The following XKR6 variants were observed in gnomAD, a reference collection of about 807,000 sequenced individuals.
The protein encoded by XKR6 is XK-related protein 6.
A neutral mutation model predicts 56.7 loss-of-function variants in XKR6; 22 were observed. That is an observed-to-expected ratio of 0.39 (90% CI 0.28 to 0.55). The LOEUF is 0.55. XKR6 is among the 20% of genes least tolerant of loss of function. The pLI, the probability that XKR6 is intolerant of heterozygous loss-of-function variation, is 0.66. For synonymous variants in XKR6, 524 were observed against 387.8 expected (o/e 1.35, Z -4.13); for missense variants, 852 against 889.0 (o/e 0.96, Z 0.53).
chr8:11,086,150 T>TATATATATATATA (rs1439777662), intron 1 of XKR6, among the ~76,000 whole-genome samples: 95 of 112,738 alleles, frequency 8.4e-4, no homozygotes, highest in African/African-American at 3.6e-3. Context: ...ATATATATAT[T>TATATATATATATA]TTTTTTTAAA....
intron 1 of XKR6, among the ~76,000 whole-genome samples, chr8:11,033,310 A>G (rs868665473): frequency 1.1e-3 from 154 of 142,472 alleles, no homozygotes; most frequent in African/African-American, 4.4e-3. Flanking sequence ...GGTGGTGATG[A>G]TGATGATGAC....
chr8:11,016,504 A>AGCGCCTTCGCCC (rs1798626868), intron 1 of XKR6, among the ~76,000 whole-genome samples: 1 of 152,164 alleles, frequency 6.6e-6, no homozygotes, highest in Non-Finnish European at 1.5e-5. Context: ...CAAAGCGGGT[A>AGCGCCTTCGCCC]GCGCCTTCGC....
In XKR6 at chr8:11,194,937, C is replaced by T. The variant is rs547360925; in HGVS notation, c.764+5639G>A. 5.5e-6 allele frequency: 3 copies of T among 544,530 alleles called. No homozygotes were observed. The African/African-American group carries it at 5.8e-5, about 11-fold the overall frequency. 33.7% of individuals were successfully genotyped at this position (544,530 alleles called of 1,614,324 possible). A position where few individuals can be genotyped will look rare whatever the true frequency, so the allele number is the denominator to read the frequency against. Reference sequence around the variant, plus strand: ...AGTTGCAATTTCGCTCCAAAGCATGCCATTTTTTCATCCCCTTCCCTTGAA... The same window carrying T: ...AGTTGCAATTTCGCTCCAAAGCATGTCATTTTTTCATCCCCTTCCCTTGAA... On this transcript the variant is annotated intron_variant, in intron 1 of 2. Coordinates refer to ENST00000416569, the MANE Select transcript of XKR6 (RefSeq NM_173683.4).
chr8:11,065,288 C>A (rs557810305), intron 1 of XKR6, among the ~76,000 whole-genome samples: 10 of 152,326 alleles, frequency 6.6e-5, no homozygotes, highest in African/African-American at 2.4e-4. Context: ...TAACTATGAA[C>A]CATGAGAGGA....
intron 1 of XKR6, among the ~76,000 whole-genome samples, chr8:11,189,205 T>C (rs964298654): frequency 3.3e-5 from 5 of 152,208 alleles, no homozygotes; most frequent in African/African-American, 4.8e-5. Flanking sequence ...TTTCTGAATT[T>C]GAGACACAAA....
intron 1 of XKR6, chr8:11,002,530 G>A (rs915903814): frequency 1.3e-5 from 4 of 304,280 alleles, no homozygotes; most frequent in African/African-American, 2.2e-5. Context: ...AATGGGGAAG[G>A]TGTGGTGCAT....
At chr8:11,088,549 G>C (rs141028764) in intron 1 of XKR6, among the ~76,000 whole-genome samples, 5 of 152,190 alleles carry the variant, frequency 3.3e-5, no homozygotes, top group African/African-American at 1.2e-4. Flanking sequence ...GGGCTGAATG[G>C]CCAGAGTAGG....
chr8:11,039,395 C>A lies in XKR6; in HGVS notation c.765-114565G>T, dbSNP rs186419373. Among the ~76,000 whole-genome samples the A allele has an allele frequency of 1.8e-4, 28 of 152,360 alleles. 1 individual carries two copies. The highest frequency in any genetic ancestry group is 8.8e-5 in the Non-Finnish European group (6 of 68,034). ...GGCTCTGCAGCCTCAGATGGGCCTG[C>A]AACAGCCATGGTTAGGCCAAGGCCA... On this transcript the variant is annotated intron_variant, in intron 1 of 2. Transcript: ENST00000416569.
At chr8:11,165,036 C>G (rs1230231150) in intron 1 of XKR6, among the ~76,000 whole-genome samples, 2 of 151,748 alleles carry the variant, frequency 1.3e-5, no homozygotes, top group African/African-American at 2.4e-5. Flanking sequence ...CCAAGAAAAT[C>G]CCCTGAAGCA....
chr8:11,020,475 C>G (rs1315538065), intron 1 of XKR6, among the ~76,000 whole-genome samples: 1 of 152,186 alleles, frequency 6.6e-6, no homozygotes, highest in Admixed American at 6.5e-5. Context: ...GCTGCTTCTC[C>G]CCGTCCTTCT....
At chr8:11,155,540 T>G (rs1426341332) in intron 1 of XKR6, among the ~76,000 whole-genome samples, 2 of 152,246 alleles carry the variant, frequency 1.3e-5, no homozygotes, top group Non-Finnish European at 2.9e-5. Context: ...AAGAACTATA[T>G]GCACACAAAT....
intron 1 of XKR6, among the ~76,000 whole-genome samples, chr8:11,177,951 T>A (rs769887110): frequency 6.6e-6 from 1 of 152,154 alleles, no homozygotes; most frequent in Non-Finnish European, 1.5e-5. Flanking sequence ...CTTTCTGACA[T>A]GGAAAGCCTG....
intron 1 of XKR6, among the ~76,000 whole-genome samples, chr8:11,166,743 T>G (rs138664194): frequency 0.056 from 8,459 of 152,092 alleles, 310 homozygotes; most frequent in South Asian, 0.097. Context: ...AAGCTAATTT[T>G]TGTGTTTTTA....
At chr8:11,123,638 T>C (rs1799588989) in intron 1 of XKR6, 1 of 332,438 alleles carries the variant, frequency 3.0e-6, no homozygotes, top group Non-Finnish European at 6.0e-6. Context: ...TACTTGGCTA[T>C]ATAAAGTTTA....
rs73196866 is a variant in XKR6 at position 10,960,013 on chromosome 8, G to A, written c.765-35183C>T. On this transcript the variant is annotated intron_variant, in intron 1 of 2. Coordinates refer to ENST00000416569, the MANE Select transcript of XKR6 (RefSeq NM_173683.4). Reference sequence around the variant, plus strand: ...ATTACAAAAGCCTGAAGGTCAGGGGGGGGCCTCCTTAAAATTTGCACCTGG... The same window carrying A: ...ATTACAAAAGCCTGAAGGTCAGGGGAGGGCCTCCTTAAAATTTGCACCTGG... Among the ~76,000 whole-genome samples, 1,503 of 152,280 alleles carry A rather than the reference G, an allele frequency of 9.9e-3. 11 individuals are homozygous for A. The highest frequency in any genetic ancestry group is 0.022 in the South Asian group (107 of 4,812).
At chr8:11,102,290 C>T (rs750651396) in intron 1 of XKR6, among the ~76,000 whole-genome samples, 2 of 152,106 alleles carry the variant, frequency 1.3e-5, no homozygotes, top group African/African-American at 2.4e-5. Context: ...TCATTTATGC[C>T]GTTAGTTTAC....
chr8:10,932,686 T>C (rs1447620058), intron 1 of XKR6, among the ~76,000 whole-genome samples: 1 of 132,706 alleles, frequency 7.5e-6, no homozygotes, highest in Non-Finnish European at 1.6e-5. Flanking sequence ...TTTGGTTTTT[T>C]GTTCTGGCGA....
At position 11,056,990 on chromosome 8, in the gene XKR6, G is replaced by A. The variant is rs116786927; in HGVS notation, c.765-132160C>T. ...CCCACGTTGGTGCCCACCAGCCCAC[G>A]TCTGACGCCTTGTCCTTGGCTGCCT... On this transcript the variant is annotated intron_variant, in intron 1 of 2. Coordinates refer to ENST00000416569, the MANE Select transcript of XKR6 (RefSeq NM_173683.4). Among the ~76,000 whole-genome samples the A allele has an allele frequency of 7.8e-3, 1,185 of 152,276 alleles. 15 individuals are homozygous for A. The highest frequency in any genetic ancestry group is 0.026 in the African/African-American group (1,064 of 41,544).
intron 1 of XKR6, among the ~76,000 whole-genome samples, chr8:11,198,867 C>G (rs1311551220): frequency 6.6e-6 from 1 of 151,962 alleles, no homozygotes; most frequent in African/African-American, 2.4e-5. Context: ...TGTCCCTCCC[C>G]TGCTTCATTC....
Sources: gnomAD v4.1 joint callset for allele counts (sites outside exome capture counted in the v4.1 genomes callset) on GRCh38, gnomAD v4.1.1 for gene constraint, MANE v1.5 for transcripts, NCBI Gene and HGNC (gene_info 2026-07-23, HGNC 2026-07-21) for gene names.